The following AKR7A3 variants were observed in gnomAD, a reference collection of about 807,000 sequenced individuals.
The protein encoded by AKR7A3 is AFB1 aldehyde reductase 2.
In AKR7A3, 37 loss-of-function variants were observed where a neutral mutation model predicts 32.5. The observed-to-expected ratio is 1.14, with a 90% CI of 0.88 to 1.50. The LOEUF is 1.50. Ranked by LOEUF, AKR7A3 falls within the 40% of genes most tolerant of loss-of-function variation. The probability of loss-of-function intolerance (pLI) is 0.00; values close to 1 mark genes in which losing one functional copy is unlikely to be tolerated. For missense variants in AKR7A3, 412 were observed against 453.2 expected (o/e 0.91, Z 0.83); for synonymous variants, 177 against 188.4 (o/e 0.94, Z 0.50).
At chr1:19,287,374 G>A (rs1447342445) in intron 1 of AKR7A3, among the ~76,000 whole-genome samples, 2 of 151,424 alleles carry the variant, frequency 1.3e-5, no homozygotes, top group East Asian at 3.9e-4. Context: ...GATCTAGAAA[G>A]AGCGTGGCAC....
chr1:19,283,948 T>C (rs750031518), intron 6 of AKR7A3, 48 bp downstream of exon 6: 1 of 1,610,720 alleles, frequency 6.2e-7, no homozygotes, highest in East Asian at 2.2e-5. Flanking sequence ...AAGATATTGC[T>C]GGTTCCCCTG....
rs560229900 is a variant in AKR7A3, at chr1:19,284,364, G to A, written c.705-239C>T. 7.2e-5 allele frequency among the ~76,000 whole-genome samples: 11 copies of A among 151,984 alleles called. 1 individual carries two copies. Among genetic ancestry groups the A allele is most frequent in the African/African-American group, 2.2e-4 (9 of 41,270 alleles). On this transcript the variant is annotated intron_variant, in intron 5 of 6. Coordinates refer to ENST00000361640, the MANE Select transcript of AKR7A3 (RefSeq NM_012067.3). ...CATCAGCCTGCTCTTATTTTCCTTA[G>A]GGACACAAAGGCCGCTAAGATGGGT...
chr1:19,288,111 G>C (rs1355305655), intron 1 of AKR7A3, among the ~76,000 whole-genome samples: 1 of 152,174 alleles, frequency 6.6e-6, no homozygotes, highest in Non-Finnish European at 1.5e-5. Flanking sequence ...AATTTCTGCA[G>C]ATCAGGCCCG....
Position 19,286,308 on chromosome 1 carries a change from G to A in AKR7A3, c.279C>T (p.Phe93=), listed in dbSNP as rs763233348. The change falls in exon 2 of 7, where the codon TTC becomes TTT. Residue 93 remains phenylalanine (F), a synonymous_variant. Coordinates refer to ENST00000361640, the MANE Select transcript of AKR7A3 (RefSeq NM_012067.3). ...GNSLKPDSLR[F]QLETSLKRLQ... is the part of the protein sequence containing the mutation. ...GCCGCTTCAGTGACGTCTCCAGCTGGAACCGGAGACTGTCAGGCTTCAGGG... is the reference window on the plus strand; with the variant it reads ...GCCGCTTCAGTGACGTCTCCAGCTGAAACCGGAGACTGTCAGGCTTCAGGG... The A allele has an allele frequency of 4.3e-6, 7 of 1,613,952 alleles. No homozygotes were observed. In the South Asian group the frequency reaches 5.5e-5, roughly 13 times the overall value.
intron 6 of AKR7A3, 124 bp from the exon 7 acceptor site, chr1:19,283,016 T>A (rs2093721709): frequency 3.2e-6 from 3 of 947,246 alleles, no homozygotes; most frequent in Non-Finnish European, 3.3e-6. Context: ...AGAAAGAACT[T>A]AAGGTGCCTT....
At chr1:19,278,710 G>A (rs185871254), downstream of AKR7A3, among the ~76,000 whole-genome samples, 50 of 151,962 alleles carry the variant, frequency 3.3e-4, no homozygotes, top group African/African-American at 1.2e-3. Flanking sequence ...CAATTTCAGA[G>A]CATCCTCATA....
the AKR7A3 span, among the ~76,000 whole-genome samples, chr1:19,274,602 T>G: frequency 6.6e-6 from 1 of 151,458 alleles, no homozygotes; most frequent in African/African-American, 2.4e-5. Flanking sequence ...ATGGTTAAAG[T>G]CTTGAAAGAA....
downstream of AKR7A3, among the ~76,000 whole-genome samples, chr1:19,281,618 G>A (rs1468454305): frequency 1.3e-5 from 2 of 151,832 alleles, no homozygotes; most frequent in African/African-American, 2.4e-5. Context: ...CTGGGAGGCA[G>A]AGCGAGACTC....
At chr1:19,287,226 G>C (rs2093732197) in intron 1 of AKR7A3, among the ~76,000 whole-genome samples, 1 of 150,696 alleles carries the variant, frequency 6.6e-6, no homozygotes, top group Non-Finnish European at 1.5e-5. Context: ...AGGATGGCTT[G>C]AGCCCTGAGA....
Position 19,288,670 on chromosome 1 carries a change from G to A in AKR7A3, c.40C>T (p.Leu14=), listed in dbSNP as rs773699522. ...CGGCGCCCCATCTCCATGGCGCCCA[G>A]CACCGTGGCTGGCCGGGCCCGCGAC... The part of the protein sequence containing the change: ...QLSRARPATV[L]GAMEMGRRMD... Residue 14 remains leucine, a synonymous_variant, in exon 1 of 7, where the codon CTG becomes TTG. Transcript: ENST00000361640. 10 of 1,531,722 alleles carry A rather than the reference G, an allele frequency of 6.5e-6. No individual in the cohort carries two copies. Among genetic ancestry groups the A allele is most frequent in the South Asian group, 1.2e-5 (1 of 83,466 alleles). The allele number at this position is 1,531,722 out of a possible 1,614,324, so 94.9% of individuals were successfully genotyped here.
In AKR7A3 at chr1:19,288,615, G is replaced by A. The variant is rs1489682409; in HGVS notation, c.95C>T (p.Thr32Met). The change falls in exon 1 of 7, where the codon ACG becomes ATG. Residue 32 changes from threonine (T) to methionine (M), a missense_variant. Coordinates refer to ENST00000361640, the MANE Select transcript of AKR7A3 (RefSeq NM_012067.3). ...GTGGCCGCGCTCCAGGAAGGCGCGC[G>A]TGACTGCGGCGCTGGTGGGCGCGTC... ...RMDAPTSAAV[T>M]RAFLERGHTE... is the part of the protein sequence containing the mutation. 2 of 1,587,000 alleles carry A rather than the reference G, an allele frequency of 1.3e-6. No homozygotes were observed. Among genetic ancestry groups the A allele is most frequent in the East Asian group, 2.3e-5 (1 of 43,258 alleles).
In AKR7A3 at chr1:19,282,636, C is replaced by A; in HGVS notation, c.*95G>T. On this transcript the variant is annotated 3_prime_UTR_variant, in exon 7 of 7. Coordinates refer to ENST00000361640, the MANE Select transcript of AKR7A3 (RefSeq NM_012067.3). The stretch of plus-strand genomic sequence containing the variant: ...TAGGTTTTTGTCCAAATACTTCCAT[C>A]CCTAAGAATTTACTGAGGCAGTTCT... 2 of 1,580,662 alleles carry A rather than the reference C, an allele frequency of 1.3e-6. No individual in the cohort carries two copies. Among genetic ancestry groups the A allele is most frequent in the Non-Finnish European group, 1.7e-6 (2 of 1,160,010 alleles).
At chr1:19,285,375 C>T (rs1407853593) in intron 3 of AKR7A3, among the ~76,000 whole-genome samples, 1 of 151,862 alleles carries the variant, frequency 6.6e-6, no homozygotes, top group Admixed American at 6.5e-5. Context: ...TCCCTTCCCT[C>T]AAGGTTTTAT....
chr1:19,276,565 G>C, the AKR7A3 span, among the ~76,000 whole-genome samples: 11 of 151,716 alleles, frequency 7.3e-5, no homozygotes, highest in African/African-American at 2.7e-4. Flanking sequence ...ACTTTGAGAT[G>C]CTGAGGCAGG....
At position 19,285,208 on chromosome 1, in the gene AKR7A3, A is replaced by G. The variant is rs2093727463; in HGVS notation, c.508-94T>C. ...CAGAACCCTTATTTCAGACCTTAAC[A>G]ATTCTAGGACTTTAACCGTCTGGGC... On this transcript the variant is annotated intron_variant, in intron 3 of 6. Transcript: ENST00000361640. 3 of 1,206,480 alleles carry G rather than the reference A, an allele frequency of 2.5e-6. No individual in the cohort carries two copies. The South Asian group carries it at 3.8e-5, about 15-fold the overall frequency. The allele number at this position is 1,206,480 out of a possible 1,614,324, so 74.7% of individuals were successfully genotyped here.
chr1:19,288,387 G>A (rs2093734703), intron 1 of AKR7A3, 109 bp downstream of exon 1: 40 of 1,372,890 alleles, frequency 2.9e-5, no homozygotes, highest in Non-Finnish European at 3.5e-5. Flanking sequence ...GCGGTGGGGG[G>A]GACAAAACTT....
At chr1:19,278,596 C>CA (rs1381853532), downstream of AKR7A3, among the ~76,000 whole-genome samples, 2 of 151,174 alleles carry the variant, frequency 1.3e-5, no homozygotes, top group Admixed American at 1.3e-4. Flanking sequence ...AAAACAAAAA[C>CA]AAAAAAACTA....
At chr1:19,286,152 G>C (rs1569655984) in intron 2 of AKR7A3, 33 bp downstream of exon 2, 3 of 1,608,728 alleles carry the variant, frequency 1.9e-6, no homozygotes, top group African/African-American at 2.7e-5. Context: ...GAGCAGCAGT[G>C]GACCACCTCC....
rs114307705 is a variant in AKR7A3, at chr1:19,284,512, C to A, written c.704+174G>T. ...CGAGGTCCAGGGAGTCTCCTTTCCT[C>A]CTGGAGGTCCCAAGACAACAAGAAA... On this transcript the variant is annotated intron_variant, in intron 5 of 6. Coordinates refer to ENST00000361640, the MANE Select transcript of AKR7A3 (RefSeq NM_012067.3). Among the ~76,000 whole-genome samples the A allele has an allele frequency of 0.028, 4,293 of 151,894 alleles. 78 individuals carry two copies. The highest frequency in any genetic ancestry group is 0.053 in the South Asian group (258 of 4,826).
Sources: gnomAD v4.1 joint callset for allele counts (sites outside exome capture counted in the v4.1 genomes callset) on GRCh38, gnomAD v4.1.1 for gene constraint, MANE v1.5 for transcripts, NCBI Gene and HGNC (gene_info 2026-07-23, HGNC 2026-07-21) for gene names.